HEBP2: variants seen among roughly 807,000 people sequenced by gnomAD.
HEBP2 encodes heme binding protein 2.
A neutral mutation model predicts 23.1 loss-of-function variants in HEBP2; 27 were observed. The observed-to-expected ratio is 1.17, with a 90% CI of 0.86 to 1.61. HEBP2 has a LOEUF of 1.61. HEBP2 is among the 40% of genes most tolerant of loss of function. HEBP2 has a pLI of 0.00. For synonymous variants in HEBP2, 99 were observed against 95.1 expected, an observed-to-expected ratio of 1.04 and a Z score of -0.24; for missense variants, 245 against 253.8, an observed-to-expected ratio of 0.97 and a Z score of 0.24.
At chr6:138,403,535 G>A (rs1183305851), upstream of HEBP2, 2 of 481,294 alleles carry the variant, frequency 4.2e-6, no homozygotes, top group South Asian at 3.8e-5. Context: ...ACGTCGCCCC[G>A]GAGAGCCTCG....
chr6:138,410,017 CT>C lies in HEBP2; in HGVS notation c.420-2858del, dbSNP rs549279331. 1.8e-4 allele frequency among the ~76,000 whole-genome samples: 28 copies of C among 152,322 alleles called. No individual in the cohort carries two copies. In the South Asian group the frequency reaches 5.6e-3, roughly 30 times the overall value. Reference sequence around the variant, plus strand: ...CAAGCATTCCTAGCTCTAGTACTCTCTTTTTCCTCTTCCTGGAGAGCCCATT... The same window carrying C: ...CAAGCATTCCTAGCTCTAGTACTCTCTTTTCCTCTTCCTGGAGAGCCCATT... On this transcript the variant is annotated intron_variant, in intron 3 of 3. Coordinates refer to ENST00000607197, the MANE Select transcript of HEBP2 (RefSeq NM_014320.3).
At chr6:138,408,426 A>G (rs1457866776) in intron 3 of HEBP2, among the ~76,000 whole-genome samples, 1 of 152,176 alleles carries the variant, frequency 6.6e-6, no homozygotes, top group Non-Finnish European at 1.5e-5. Context: ...TTTCTTTGCC[A>G]TGTCATGACA....
rs1774819154 is a variant in HEBP2 at position 138,415,036 on chromosome 6, G to C, written c.*1958G>C. ...CACTCCAGCCTGGGTGACAGAGCAA[G>C]ATCCTGTCTCAGAAAGAAAAAAAAA... On this transcript the variant is annotated 3_prime_UTR_variant, in exon 4 of 4. Coordinates refer to ENST00000607197, the MANE Select transcript of HEBP2 (RefSeq NM_014320.3). 1 of 152,008 alleles carries C rather than the reference G, an allele frequency of 6.6e-6. No homozygotes were observed. The highest frequency in any genetic ancestry group is 6.6e-5 in the Admixed American group (1 of 15,258). The allele number at this position is 152,008 out of a possible 1,614,324, so 9.4% of individuals were successfully genotyped here. A position where few individuals can be genotyped will look rare whatever the true frequency, so the allele number is the denominator to read the frequency against.
At chr6:138,408,321 T>C (rs1774684614) in intron 3 of HEBP2, among the ~76,000 whole-genome samples, 2 of 152,354 alleles carry the variant, frequency 1.3e-5, no homozygotes, top group South Asian at 4.1e-4. Context: ...AGCCACATCT[T>C]CCATTCACAT....
rs1036643470 is a variant in HEBP2, at chr6:138,413,878, T to G, written c.*800T>G. The G allele has an allele frequency of 3.3e-5, 5 of 152,202 alleles. No individual in the cohort carries two copies. Among genetic ancestry groups the G allele is most frequent in the African/African-American group, 1.2e-4 (5 of 41,430 alleles). 9.4% of individuals were successfully genotyped at this position (152,202 alleles called of 1,614,324 possible). A position where few individuals can be genotyped will look rare whatever the true frequency, so the allele number is the denominator to read the frequency against. Reference sequence around the variant, plus strand: ...AACATCTTTCCACCTCCTTAACTATTTCATTCACCCTCCCACTGTGAACAC... The same window carrying G: ...AACATCTTTCCACCTCCTTAACTATGTCATTCACCCTCCCACTGTGAACAC... On this transcript the variant is annotated 3_prime_UTR_variant, in exon 4 of 4. Transcript: ENST00000607197.
chr6:138,410,193 A>T (rs1774720668), intron 3 of HEBP2, among the ~76,000 whole-genome samples: 1 of 152,210 alleles, frequency 6.6e-6, no homozygotes, highest in Non-Finnish European at 1.5e-5. Context: ...AGAATATGAC[A>T]GCATGTTACT....
chr6:138,420,794 CCTTTCAAAGGTG>C lies in HEBP2; in HGVS notation c.*7720_*7731del, dbSNP rs1758978166. ...CCTGCCTCGTCCTGCTTCCTCTTTTCCTTTCAAAGGTGCTTACTCCAATAATAAATCCTTTGG... is the reference window on the plus strand; with the variant it reads ...CCTGCCTCGTCCTGCTTCCTCTTTTCCTTACTCCAATAATAAATCCTTTGG... On this transcript the variant is annotated 3_prime_UTR_variant, in exon 4 of 4. Transcript: ENST00000607197. 1 of 152,236 alleles carries C rather than the reference CCTTTCAAAGGTG, an allele frequency of 6.6e-6. No individual in the cohort carries two copies. Among genetic ancestry groups the C allele is most frequent in the Admixed American group, 6.5e-5 (1 of 15,284 alleles). 9.4% of individuals were successfully genotyped at this position (152,236 alleles called of 1,614,324 possible).
At chr6:138,404,711 T>C (rs1774608675) in intron 1 of HEBP2, 114 bp downstream of exon 1, 1 of 620,516 alleles carries the variant, frequency 1.6e-6, no homozygotes, top group Non-Finnish European at 2.4e-6. Flanking sequence ...ATGGTCCCAG[T>C]CCCTACCCAC....
chr6:138,411,811 T>G (rs534405602), intron 3 of HEBP2, among the ~76,000 whole-genome samples: 1 of 152,246 alleles, frequency 6.6e-6, no homozygotes, highest in African/African-American at 2.4e-5. Flanking sequence ...TTTAAAAAAT[T>G]AGTCCGATGT....
At position 138,413,361 on chromosome 6, in the gene HEBP2, A is replaced by G. The variant is rs758904455; in HGVS notation, c.*283A>G. Reference sequence around the variant, plus strand: ...TGTCACTTCCCTCCTTCACTGCATCACAATCATATTCCCTTTTTTTTTTCT... The same window carrying G: ...TGTCACTTCCCTCCTTCACTGCATCGCAATCATATTCCCTTTTTTTTTTCT... On this transcript the variant is annotated 3_prime_UTR_variant, in exon 4 of 4. Coordinates refer to ENST00000607197, the MANE Select transcript of HEBP2 (RefSeq NM_014320.3). The G allele has an allele frequency of 3.3e-6, 1 of 304,982 alleles. No individual in the cohort carries two copies. The highest frequency in any genetic ancestry group is 2.2e-5 in the African/African-American group (1 of 46,376). 18.9% of individuals were successfully genotyped at this position (304,982 alleles called of 1,614,324 possible).
At chr6:138,404,089 C>T (rs1265537829), upstream of HEBP2, 1 of 217,950 alleles carries the variant, frequency 4.6e-6, no homozygotes, top group Admixed American at 5.8e-5. Flanking sequence ...CAGAGGTTCC[C>T]AAACCGGTTG....
intron 3 of HEBP2, among the ~76,000 whole-genome samples, chr6:138,406,666 G>T (rs927756234): frequency 6.6e-6 from 1 of 152,128 alleles, no homozygotes; most frequent in Non-Finnish European, 1.5e-5. Flanking sequence ...CAGCTTTATT[G>T]GACATGTTTT....
Position 138,404,425 on chromosome 6 carries a change from C to T in HEBP2, c.-71C>T. 9.5e-7 allele frequency: 1 copy of T among 1,055,414 alleles called. No homozygotes were observed. Among genetic ancestry groups the T allele is most frequent in the Non-Finnish European group, 1.2e-6 (1 of 834,276 alleles). The allele number at this position is 1,055,414 out of a possible 1,614,324, so 65.4% of individuals were successfully genotyped here. A position where few individuals can be genotyped will look rare whatever the true frequency, so the allele number is the denominator to read the frequency against. ...TCGGGGCCTCGGCGGGGCGCGCACA[C>T]GCAGGCGGGGCGGCCCGGGGTGCGG... On this transcript the variant is annotated 5_prime_UTR_variant, in exon 1 of 4. The change creates a new upstream start codon in the 5' untranslated region. Transcript: ENST00000607197.
Position 138,413,195 on chromosome 6 carries a change from T to TA in HEBP2, c.*117_*118insA. The TA allele has an allele frequency of 2.7e-6, 2 of 743,314 alleles. No homozygotes were observed. The highest frequency in any genetic ancestry group is 4.4e-6 in the Non-Finnish European group (2 of 449,906). The allele number at this position is 743,314 out of a possible 1,614,324, so 46.0% of individuals were successfully genotyped here. ...CTTCTATTGAGAGTACTACTATTAA[T>TA]TAAGCTTATTTCCAATGTGCCTTTT... is the stretch of plus-strand genomic sequence containing the variant. On this transcript the variant is annotated 3_prime_UTR_variant, in exon 4 of 4. Coordinates refer to ENST00000607197, the MANE Select transcript of HEBP2 (RefSeq NM_014320.3).
At chr6:138,412,499 G>A (rs1583105394) in intron 3 of HEBP2, among the ~76,000 whole-genome samples, 1 of 152,096 alleles carries the variant, frequency 6.6e-6, no homozygotes, top group Non-Finnish European at 1.5e-5. Context: ...TGTCGCCCAG[G>A]CTGGAGTGCA....
In HEBP2 at chr6:138,413,701, C is replaced by T. The variant is rs968257481; in HGVS notation, c.*623C>T. ...ATCTTGCTTTTTCCCCTAAACATTT[C>T]CCTGAACTGTCACGTATTTTCATTC... On this transcript the variant is annotated 3_prime_UTR_variant, in exon 4 of 4. Transcript: ENST00000607197. 2.0e-5 allele frequency: 3 copies of T among 152,510 alleles called. No homozygotes were observed. Among genetic ancestry groups the T allele is most frequent in the African/African-American group, 7.2e-5 (3 of 41,440 alleles). 9.4% of individuals were successfully genotyped at this position (152,510 alleles called of 1,614,324 possible).
rs868540431 is a variant in HEBP2, at chr6:138,405,951, C to T, written c.239-20C>T. 1.9e-6 allele frequency: 3 copies of T among 1,598,702 alleles called. No individual in the cohort carries two copies. The highest frequency in any genetic ancestry group is 1.7e-4 in the Middle Eastern group (1 of 5,920). Reference sequence around the variant, plus strand: ...AGCTGTCAAAAATACACTAAATTTGCTTTCATTTTTATGTCACAGAGATGA... The same window carrying T: ...AGCTGTCAAAAATACACTAAATTTGTTTTCATTTTTATGTCACAGAGATGA... On this transcript the variant is annotated intron_variant, in intron 2 of 3. Transcript: ENST00000607197.
At position 138,419,392 on chromosome 6, in the gene HEBP2, A is replaced by G. The variant is rs1202117059; in HGVS notation, c.*6314A>G. On this transcript the variant is annotated 3_prime_UTR_variant, in exon 4 of 4. Transcript: ENST00000607197. ...CAAGGACAGACTTCCTATTCTAGGTATGTGGTTCCTTTCGGGCCTACAGGG... is the reference window on the plus strand; with the variant it reads ...CAAGGACAGACTTCCTATTCTAGGTGTGTGGTTCCTTTCGGGCCTACAGGG... 2 of 152,224 alleles carry G rather than the reference A, an allele frequency of 1.3e-5. No homozygotes were observed. Among genetic ancestry groups the G allele is most frequent in the African/African-American group, 2.4e-5 (1 of 41,458 alleles). The allele number at this position is 152,224 out of a possible 1,614,324, so 9.4% of individuals were successfully genotyped here.
In HEBP2 at chr6:138,418,698, G is replaced by A. The variant is rs1003544549; in HGVS notation, c.*5620G>A. On this transcript the variant is annotated 3_prime_UTR_variant, in exon 4 of 4. Coordinates refer to ENST00000607197, the MANE Select transcript of HEBP2 (RefSeq NM_014320.3). Reference sequence around the variant, plus strand: ...GGACCTGTATGATCCACTGAAGGAAGAGGAATGCTTGGGCTTGGTTTATTG... The same window carrying A: ...GGACCTGTATGATCCACTGAAGGAAAAGGAATGCTTGGGCTTGGTTTATTG... 1 of 152,222 alleles carries A rather than the reference G, an allele frequency of 6.6e-6. No individual in the cohort carries two copies. The highest frequency in any genetic ancestry group is 6.5e-5 in the Admixed American group (1 of 15,268). 9.4% of individuals were successfully genotyped at this position (152,222 alleles called of 1,614,324 possible). A position where few individuals can be genotyped will look rare whatever the true frequency, so the allele number is the denominator to read the frequency against.
Sources: gnomAD v4.1 joint callset for allele counts (sites outside exome capture counted in the v4.1 genomes callset) on GRCh38, gnomAD v4.1.1 for gene constraint, MANE v1.5 for transcripts, NCBI Gene and HGNC (gene_info 2026-07-23, HGNC 2026-07-21) for gene names.